The following CALD1 variants were observed in gnomAD, a reference collection of about 807,000 sequenced individuals.
CALD1 encodes the protein caldesmon 1.
Under a neutral mutation model 99.9 loss-of-function variants are expected in CALD1, and 33 were observed. The observed-to-expected ratio is 0.33, with a 90% CI of 0.25 to 0.44. The LOEUF is 0.44. Ranked by LOEUF, CALD1 falls within the 20% of genes least tolerant of loss-of-function variation. CALD1 has a pLI of 1.00. For missense variants in CALD1, 861 were observed against 962.1 expected (o/e 0.89, Z 1.39); for synonymous variants, 310 against 325.0 (o/e 0.95, Z 0.50).
At chr7:134,914,672 A>G (rs1178811561) in intron 3 of CALD1, among the ~76,000 whole-genome samples, 1 of 151,188 alleles carries the variant, frequency 6.6e-6, no homozygotes, top group African/African-American at 2.5e-5. Flanking sequence ...TTCCATAACC[A>G]TATTTCCCGA....
At chr7:134,802,897 C>A (rs1797999549) in intron 1 of CALD1, among the ~76,000 whole-genome samples, 1 of 152,162 alleles carries the variant, frequency 6.6e-6, no homozygotes, top group Non-Finnish European at 1.5e-5. Context: ...GTTTTTATTT[C>A]TTTTGGCTAA....
At chr7:134,958,000 C>A in intron 9 of CALD1, 69 bp from the exon 10 acceptor site, 2 of 1,168,556 alleles carry the variant, frequency 1.7e-6, no homozygotes, top group Non-Finnish European at 2.6e-6. Flanking sequence ...ATGATATTGG[C>A]CTGGGCTGAG....
intron 1 of CALD1, among the ~76,000 whole-genome samples, chr7:134,821,378 G>T (rs1241941862): frequency 1.3e-5 from 2 of 151,898 alleles, no homozygotes; most frequent in African/African-American, 4.8e-5. Flanking sequence ...GTTTCTCTTT[G>T]TTAAATTATT....
At position 134,821,187 on chromosome 7, in the gene CALD1, GT is replaced by G. The variant is rs576535230; in HGVS notation, c.-129-22696del. On this transcript the variant is annotated intron_variant, in intron 1 of 14. Coordinates refer to ENST00000361675, the MANE Select transcript of CALD1 (RefSeq NM_033138.4). The stretch of plus-strand genomic sequence containing the variant: ...AAAGAGACTGTAAGAAAAAAAGTAA[GT>G]GTACAAATTTCCCTATGCTTTATAG... 4.5e-3 allele frequency among the ~76,000 whole-genome samples: 688 copies of G among 152,156 alleles called. 10 individuals are homozygous for G. The highest frequency in any genetic ancestry group is 0.016 in the African/African-American group (650 of 41,524).
At chr7:134,736,531 T>C in the CALD1 span, among the ~76,000 whole-genome samples, 4 of 152,212 alleles carry the variant, frequency 2.6e-5, no homozygotes, top group Admixed American at 6.5e-5. Flanking sequence ...ATCACATGTT[T>C]TCTTACAGAT....
chr7:134,895,109 AT>A (rs1231231948), intron 3 of CALD1, among the ~76,000 whole-genome samples: 4 of 150,268 alleles, frequency 2.7e-5, no homozygotes, highest in Admixed American at 1.3e-4. Flanking sequence ...AAATAAATAA[AT>A]AAATAAATAA....
intron 14 of CALD1, among the ~76,000 whole-genome samples, chr7:134,966,731 C>G: frequency 6.6e-6 from 1 of 152,036 alleles, no homozygotes; most frequent in Admixed American, 6.5e-5. Flanking sequence ...TATAGTTATT[C>G]AATTCCTTGT....
chr7:134,781,607 G>A (rs1797106741), intron 1 of CALD1, among the ~76,000 whole-genome samples: 1 of 70,704 alleles, frequency 1.4e-5, no homozygotes, highest in African/African-American at 7.3e-5. Context: ...GGAGCACAAT[G>A]AAAACAGTAA....
chr7:134,825,868 T>G (rs1433450068), intron 1 of CALD1, among the ~76,000 whole-genome samples: 10 of 152,246 alleles, frequency 6.6e-5, no homozygotes, highest in African/African-American at 2.4e-4. Flanking sequence ...GCCCTGGGTA[T>G]GCCGGGGAGA....
chr7:134,839,984 G>A (rs1014989445), intron 1 of CALD1, among the ~76,000 whole-genome samples: 55 of 151,974 alleles, frequency 3.6e-4, no homozygotes, highest in African/African-American at 1.3e-3. Context: ...TATATATTCT[G>A]GATACAAGTT....
intron 2 of CALD1, among the ~76,000 whole-genome samples, chr7:134,859,738 A>G (rs1394189603): frequency 6.6e-6 from 1 of 152,360 alleles, no homozygotes; most frequent in African/African-American, 2.4e-5. Flanking sequence ...TGAAAAATAT[A>G]AAGTGCTCCA....
In CALD1 at chr7:134,947,655, G is replaced by A. The variant is rs992653024; in HGVS notation, c.1680G>A (p.Glu560=). 1 of 1,584,336 alleles carries A rather than the reference G, an allele frequency of 6.3e-7. No individual in the cohort carries two copies. Among genetic ancestry groups the A allele is most frequent in the African/African-American group, 1.3e-5 (1 of 74,102 alleles). The change falls in exon 8 of 15, where the codon GAG becomes GAA. Residue 560 remains glutamate, a synonymous_variant. Transcript: ENST00000361675. The part of the protein sequence containing the change: ...EFEKLKQKQQ[E]AALELEELKK... ...AGAAGCTCAAACAGAAGCAGCAGGA[G>A]GCGGCTTTGGAGCTGGAGGAACTCA...
chr7:134,900,119 T>C (rs1364079980), intron 3 of CALD1: 1 of 151,476 alleles, frequency 6.6e-6, no homozygotes, highest in African/African-American at 2.5e-5. Context: ...AATTCCCTTT[T>C]GTCCTTTAAA....
At chr7:134,832,682 A>G (rs530645932) in intron 1 of CALD1, among the ~76,000 whole-genome samples, 3 of 152,340 alleles carry the variant, frequency 2.0e-5, no homozygotes, top group East Asian at 3.9e-4. Flanking sequence ...ATGAAGGAAC[A>G]CAGACAGACA....
intron 3 of CALD1, among the ~76,000 whole-genome samples, chr7:134,874,972 C>T (rs1801280045): frequency 6.6e-6 from 1 of 152,168 alleles, no homozygotes; most frequent in Admixed American, 6.5e-5. Context: ...ATTCAAAATG[C>T]TTAGCATCAG....
intron 1 of CALD1, among the ~76,000 whole-genome samples, chr7:134,747,348 C>T (rs1796643609): frequency 6.6e-6 from 1 of 152,162 alleles, no homozygotes; most frequent in Non-Finnish European, 1.5e-5. Context: ...GCCAGGAACC[C>T]AGGTGCTCAT....
intron 1 of CALD1, among the ~76,000 whole-genome samples, chr7:134,808,184 C>G (rs1471760934): frequency 6.6e-6 from 1 of 151,010 alleles, no homozygotes; most frequent in African/African-American, 2.4e-5. Flanking sequence ...CACTGCAGCT[C>G]CCAACTCCTG....
chr7:134,794,180 G>A (rs1036384142), intron 1 of CALD1, among the ~76,000 whole-genome samples: 3 of 152,052 alleles, frequency 2.0e-5, no homozygotes, highest in Non-Finnish European at 4.4e-5. Context: ...TGAGTGGACT[G>A]TTCACCCCTT....
the CALD1 span, among the ~76,000 whole-genome samples, chr7:134,724,057 T>C: frequency 6.6e-6 from 1 of 152,210 alleles, no homozygotes; most frequent in Non-Finnish European, 1.5e-5. Context: ...GGGTTTGCTA[T>C]GCGGCAGCAG....
Sources: gnomAD v4.1 joint callset for allele counts (sites outside exome capture counted in the v4.1 genomes callset) on GRCh38, gnomAD v4.1.1 for gene constraint, MANE v1.5 for transcripts, NCBI Gene and HGNC (gene_info 2026-07-23, HGNC 2026-07-21) for gene names.